The following CDH18 variants were observed in gnomAD, a reference collection of about 807,000 sequenced individuals.
CDH18 encodes cadherin-18.
CDH18 carries 31 observed loss-of-function variants against 67.9 expected under a neutral mutation model. That is an observed-to-expected ratio of 0.46 (90% CI 0.34 to 0.62). The LOEUF (loss-of-function observed/expected upper bound fraction) is 0.62. Ranked by LOEUF, CDH18 falls within the 20% of genes least tolerant of loss-of-function variation. CDH18 has a pLI of 0.01. For synonymous variants in CDH18, 362 were observed against 347.2 expected, an observed-to-expected ratio of 1.04 and a Z score of -0.48; for missense variants, 890 against 975.5, an observed-to-expected ratio of 0.91 and a Z score of 1.17.
intron 6 of CDH18, among the ~76,000 whole-genome samples, chr5:19,606,325 T>G (rs1298499602): frequency 6.6e-6 from 1 of 151,952 alleles, no homozygotes; most frequent in Non-Finnish European, 1.5e-5. Context: ...TGGCTAAAAC[T>G]AAGAAGGAAA....
intron 3 of CDH18, among the ~76,000 whole-genome samples, chr5:19,804,207 C>G (rs1317833459): frequency 6.7e-6 from 1 of 150,208 alleles, no homozygotes; most frequent in Non-Finnish European, 1.5e-5. Flanking sequence ...GAGGCTGAGG[C>G]AAGAGAATGG....
chr5:19,684,338 T>A (rs1760763761), intron 5 of CDH18, among the ~76,000 whole-genome samples: 3 of 151,382 alleles, frequency 2.0e-5, no homozygotes, highest in African/African-American at 7.3e-5. Flanking sequence ...TATATATGAA[T>A]TAAAATTGTA....
chr5:19,914,877 TATG>T (rs1276828725), intron 2 of CDH18, among the ~76,000 whole-genome samples: 1 of 152,040 alleles, frequency 6.6e-6, no homozygotes, highest in East Asian at 1.9e-4. Context: ...AAATTTGTAA[TATG>T]ATAATAGAAG....
At chr5:19,711,541 A>G (rs533761642) in intron 5 of CDH18, among the ~76,000 whole-genome samples, 169 of 152,106 alleles carry the variant, frequency 1.1e-3, no homozygotes, top group Middle Eastern at 3.4e-3. Context: ...ACAAATGGCT[A>G]TCAAGCATTT....
chr5:19,931,096 G>GAGGTAT (rs1425916300), intron 2 of CDH18, among the ~76,000 whole-genome samples: 1 of 151,958 alleles, frequency 6.6e-6, no homozygotes, highest in Non-Finnish European at 1.5e-5. Flanking sequence ...GAGCTCACAT[G>GAGGTAT]AGGTATAGCA....
chr5:19,618,655 G>A (rs553376367), intron 5 of CDH18, among the ~76,000 whole-genome samples: 4 of 152,092 alleles, frequency 2.6e-5, no homozygotes, highest in Non-Finnish European at 5.9e-5. Flanking sequence ...GCTCATTATC[G>A]TGCAAATCTA....
At chr5:19,747,980 G>A (rs937177160) in intron 3 of CDH18, among the ~76,000 whole-genome samples, 2 of 150,336 alleles carry the variant, frequency 1.3e-5, no homozygotes, top group Admixed American at 6.6e-5. Flanking sequence ...GGGCGTGGTG[G>A]CGGGCGCCTG....
chr5:19,751,299 C>T (rs1770812727), intron 3 of CDH18, among the ~76,000 whole-genome samples: 1 of 152,084 alleles, frequency 6.6e-6, no homozygotes, highest in Admixed American at 6.5e-5. Context: ...GTTGGTGGAG[C>T]TATTCATTTA....
intron 1 of CDH18, among the ~76,000 whole-genome samples, chr5:20,511,339 GA>G (rs375518959): frequency 6.6e-6 from 1 of 151,846 alleles, no homozygotes; most frequent in Non-Finnish European, 1.5e-5. Context: ...ATAGCTCACA[GA>G]AAAAAAGAAA....
intron 2 of CDH18, among the ~76,000 whole-genome samples, chr5:19,888,354 C>A (rs1788447374): frequency 6.6e-6 from 1 of 152,008 alleles, no homozygotes; most frequent in East Asian, 1.9e-4. Context: ...TATATATTTC[C>A]TTTTATTTAT....
intron 1 of CDH18, among the ~76,000 whole-genome samples, chr5:20,469,462 C>G (rs1002415475): frequency 1.3e-5 from 2 of 152,156 alleles, no homozygotes; most frequent in African/African-American, 4.8e-5. Flanking sequence ...TGGATATATA[C>G]TGTGCTGAAA....
chr5:20,376,221 G>GTAGC (rs1388144531), intron 1 of CDH18, among the ~76,000 whole-genome samples: 1 of 149,562 alleles, frequency 6.7e-6, no homozygotes, highest in Non-Finnish European at 1.5e-5. Flanking sequence ...AGCCTCCCGA[G>GTAGC]TAGCTGGGAC....
intron 1 of CDH18, among the ~76,000 whole-genome samples, chr5:20,416,970 A>C (rs890186853): frequency 1.3e-5 from 2 of 152,142 alleles, no homozygotes; most frequent in African/African-American, 4.8e-5. Flanking sequence ...ATTCCTAGGA[A>C]AAAGCACTAT....
At chr5:19,941,587 A>G (rs959509331) in intron 2 of CDH18, among the ~76,000 whole-genome samples, 2 of 151,884 alleles carry the variant, frequency 1.3e-5, no homozygotes, top group Non-Finnish European at 2.9e-5. Context: ...TTTGAGAACA[A>G]CCTAGGCAAC....
At chr5:19,967,783 G>A (rs2150324716) in intron 2 of CDH18, among the ~76,000 whole-genome samples, 2 of 152,212 alleles carry the variant, frequency 1.3e-5, no homozygotes, top group East Asian at 3.9e-4. Context: ...ACTGGCACAA[G>A]ACAGGGATGC....
At chr5:20,251,033 C>A (rs1271949159) in intron 2 of CDH18, among the ~76,000 whole-genome samples, 1 of 152,052 alleles carries the variant, frequency 6.6e-6, no homozygotes, top group African/African-American at 2.4e-5. Context: ...AAAAACTGAG[C>A]GGTAACTGAG....
At chr5:20,476,753 G>A (rs558927083) in intron 1 of CDH18, among the ~76,000 whole-genome samples, 43 of 152,194 alleles carry the variant, frequency 2.8e-4, no homozygotes, top group Admixed American at 2.5e-3. Flanking sequence ...ATTTTTGCTT[G>A]AGAGTTTTTC....
At chr5:19,837,619 C>A (rs752907235) in intron 3 of CDH18, among the ~76,000 whole-genome samples, 19 of 151,808 alleles carry the variant, frequency 1.3e-4, no homozygotes, top group Non-Finnish European at 2.6e-4. Context: ...TTTTTATGTT[C>A]TATATTCTGA....
intron 7 of CDH18, among the ~76,000 whole-genome samples, chr5:19,582,470 A>C (rs2149989845): frequency 6.6e-6 from 1 of 152,120 alleles, no homozygotes; most frequent in African/African-American, 2.4e-5. Flanking sequence ...CATGAAAAAT[A>C]ATTTACCCAA....
Sources: gnomAD v4.1 joint callset for allele counts (sites outside exome capture counted in the v4.1 genomes callset) on GRCh38, gnomAD v4.1.1 for gene constraint, MANE v1.5 for transcripts, NCBI Gene and HGNC (gene_info 2026-07-23, HGNC 2026-07-21) for gene names.